Variants in NFIB observed in about 807,000 individuals in gnomAD.
NFIB encodes the protein nuclear factor I B.
In NFIB, 11 loss-of-function variants were observed where a neutral mutation model predicts 61.5. That is an observed-to-expected ratio of 0.18 (90% CI 0.11 to 0.30). The LOEUF is 0.30. NFIB is among the 10% of genes least tolerant of loss of function. NFIB has a pLI of 1.00. For synonymous variants in NFIB, 260 were observed against 216.5 expected, an observed-to-expected ratio of 1.20 and a Z score of -1.76; for missense variants, 471 against 608.9, an observed-to-expected ratio of 0.77 and a Z score of 2.38.
chr9:14,430,021 T>C, the NFIB span, among the ~76,000 whole-genome samples: 1 of 152,222 alleles, frequency 6.6e-6, no homozygotes, highest in African/African-American at 2.4e-5. Flanking sequence ...GAAAGCTCAC[T>C]AAAATGTAGG....
intron 7 of NFIB, among the ~76,000 whole-genome samples, chr9:14,124,411 G>A (rs1283650808): frequency 6.6e-5 from 10 of 151,876 alleles, no homozygotes; most frequent in Non-Finnish European, 1.0e-4. Flanking sequence ...TCTCAATTTC[G>A]TAATTTTTTA....
At chr9:14,409,314 G>C in the NFIB span, among the ~76,000 whole-genome samples, 1 of 152,032 alleles carries the variant, frequency 6.6e-6, no homozygotes, top group Non-Finnish European at 1.5e-5. Context: ...CCTGAAAATT[G>C]AACTATCTGT....
At chr9:14,438,589 T>C in the NFIB span, among the ~76,000 whole-genome samples, 1 of 151,948 alleles carries the variant, frequency 6.6e-6, no homozygotes, top group Non-Finnish European at 1.5e-5. Context: ...GAGGGGTTGT[T>C]GGTTGGTGGT....
At chr9:14,420,537 T>G in the NFIB span, among the ~76,000 whole-genome samples, 1 of 150,342 alleles carries the variant, frequency 6.7e-6, no homozygotes, top group South Asian at 2.1e-4. Flanking sequence ...ATATTTTCAT[T>G]CCTCCCACTC....
intron 1 of NFIB, among the ~76,000 whole-genome samples, chr9:14,328,134 C>G (rs1168271125): frequency 6.6e-6 from 1 of 152,176 alleles, no homozygotes; most frequent in East Asian, 1.9e-4. Context: ...CTGGCACCTT[C>G]TGAATTGCTC....
the NFIB span, among the ~76,000 whole-genome samples, chr9:14,492,798 G>C: frequency 6.6e-6 from 1 of 152,168 alleles, no homozygotes; most frequent in Non-Finnish European, 1.5e-5. Context: ...GGGAGGCCTT[G>C]CTAGGTCCCT....
At chr9:14,488,396 T>C in the NFIB span, among the ~76,000 whole-genome samples, 1 of 151,912 alleles carries the variant, frequency 6.6e-6, no homozygotes. Flanking sequence ...AAAAGTTTGT[T>C]AAAAATGGAG....
At chr9:14,429,848 T>G in the NFIB span, among the ~76,000 whole-genome samples, 5 of 152,228 alleles carry the variant, frequency 3.3e-5, no homozygotes, top group Admixed American at 3.3e-4. Context: ...ATAAATTATT[T>G]TCTATGCATT....
intron 2 of NFIB, among the ~76,000 whole-genome samples, chr9:14,304,936 G>C (rs1056001694): frequency 6.6e-6 from 1 of 152,214 alleles, no homozygotes; most frequent in Non-Finnish European, 1.5e-5. Flanking sequence ...ACCAACAGAT[G>C]TTAAGAGAAG....
At chr9:14,310,000 C>T (rs1240284220) in intron 1 of NFIB, among the ~76,000 whole-genome samples, 1 of 152,072 alleles carries the variant, frequency 6.6e-6, no homozygotes, top group African/African-American at 2.4e-5. Flanking sequence ...GTACTTACAC[C>T]TTAAGTACTA....
At chr9:14,253,010 G>GA (rs1166893209) in intron 2 of NFIB, among the ~76,000 whole-genome samples, 3 of 151,454 alleles carry the variant, frequency 2.0e-5, no homozygotes, top group Middle Eastern at 6.8e-3. Context: ...TTTCTACAAA[G>GA]AAAAAAAAGA....
At chr9:14,112,732 A>T (rs575663844) in intron 10 of NFIB, among the ~76,000 whole-genome samples, 3 of 152,340 alleles carry the variant, frequency 2.0e-5, no homozygotes, top group African/African-American at 7.2e-5. Context: ...ACTGAGAAAA[A>T]TACACTTTGG....
intron 1 of NFIB, among the ~76,000 whole-genome samples, chr9:14,365,260 G>A (rs1264656443): frequency 2.0e-5 from 3 of 152,210 alleles, no homozygotes; most frequent in Admixed American, 1.3e-4. Flanking sequence ...TATTTCAGAT[G>A]TAATGGTTTC....
At chr9:14,502,543 C>T in the NFIB span, among the ~76,000 whole-genome samples, 1 of 152,152 alleles carries the variant, frequency 6.6e-6, no homozygotes, top group Non-Finnish European at 1.5e-5. Flanking sequence ...AAATCAGTTA[C>T]TTATATAAAT....
the NFIB span, among the ~76,000 whole-genome samples, chr9:14,509,502 C>T: frequency 3.9e-5 from 6 of 152,106 alleles, no homozygotes; most frequent in Admixed American, 3.9e-4. Context: ...TAAATACTTC[C>T]TAACACATAT....
intron 2 of NFIB, among the ~76,000 whole-genome samples, chr9:14,277,855 T>C (rs1038224627): frequency 2.0e-5 from 3 of 152,202 alleles, no homozygotes; most frequent in Admixed American, 6.5e-5. Flanking sequence ...AAAGTACAGA[T>C]AGAAATTACC....
intron 10 of NFIB, among the ~76,000 whole-genome samples, chr9:14,099,837 C>T (rs567005193): frequency 6.6e-6 from 1 of 152,276 alleles, no homozygotes; most frequent in African/African-American, 2.4e-5. Context: ...CTTTGGGAGG[C>T]CAAGGCGAGC....
At chr9:14,393,752 G>A (rs189480546) in intron 1 of NFIB, among the ~76,000 whole-genome samples, 1 of 152,252 alleles carries the variant, frequency 6.6e-6, no homozygotes, top group Admixed American at 6.5e-5. Context: ...CCATTTCCAA[G>A]AACTGATAAT....
chr9:14,209,423 A>G (rs997659212), intron 2 of NFIB, among the ~76,000 whole-genome samples: 1 of 152,248 alleles, frequency 6.6e-6, no homozygotes, highest in African/African-American at 2.4e-5. Context: ...ATTTTTATTC[A>G]TTAAGATGAA....
Sources: gnomAD v4.1 joint callset for allele counts (sites outside exome capture counted in the v4.1 genomes callset) on GRCh38, gnomAD v4.1.1 for gene constraint, MANE v1.5 for transcripts, NCBI Gene and HGNC (gene_info 2026-07-23, HGNC 2026-07-21) for gene names.